The following STAG1 variants were observed in gnomAD, a reference collection of about 807,000 sequenced individuals.
STAG1 encodes the protein cohesin subunit SA-1.
In STAG1, 26 loss-of-function variants were observed where a neutral mutation model predicts 170.9. The ratio of observed to expected loss-of-function variants is 0.15; its 90% CI spans 0.11 to 0.21. The LOEUF (loss-of-function observed/expected upper bound fraction) is 0.21, where lower values mean the gene tolerates loss of function less well. STAG1 is among the 10% of genes least tolerant of loss of function. The pLI is 1.00. For synonymous variants in STAG1, 514 were observed against 497.7 expected (o/e 1.03, Z -0.44); for missense variants, 964 against 1,509.5 (o/e 0.64, Z 5.99).
chr3:136,521,868 C>T (rs1934695681), intron 6 of STAG1, among the ~76,000 whole-genome samples: 1 of 152,132 alleles, frequency 6.6e-6, no homozygotes, highest in Non-Finnish European at 1.5e-5. Flanking sequence ...AAAGTATAAG[C>T]ATTTCATTGG....
In STAG1 at chr3:136,518,317, A is replaced by C. The variant is rs1214738737; in HGVS notation, c.676+2896T>G. The C allele has an allele frequency of 4.5e-6, 3 of 670,964 alleles. No homozygotes were observed. The African/African-American group carries it at 5.4e-5, about 12-fold the overall frequency. The allele number at this position is 670,964 out of a possible 1,614,324, so 41.6% of individuals were successfully genotyped here. A position where few individuals can be genotyped will look rare whatever the true frequency, so the allele number is the denominator to read the frequency against. The stretch of plus-strand genomic sequence containing the variant: ...GCATTTTATTCCAAAGCCGATAATC[A>C]TATCTGGCCATAACTGCCTTGTAAC... On this transcript the variant is annotated intron_variant, in intron 7 of 33. Coordinates refer to ENST00000383202, the MANE Select transcript of STAG1 (RefSeq NM_005862.3).
intron 30 of STAG1, 140 bp from the exon 31 acceptor site, chr3:136,341,691 A>G (rs1935975522): frequency 1.6e-6 from 1 of 606,574 alleles, no homozygotes; most frequent in Non-Finnish European, 2.9e-6. Flanking sequence ...GCCTTTTTAT[A>G]AAAAAGGCAA....
chr3:136,747,348 T>C (rs1167973733), intron 1 of STAG1, among the ~76,000 whole-genome samples: 4 of 151,798 alleles, frequency 2.6e-5, no homozygotes, highest in African/African-American at 7.3e-5. Flanking sequence ...GACGCAATGA[T>C]TGTGTGACTC....
At chr3:136,736,096 T>C (rs1934317358) in intron 1 of STAG1, among the ~76,000 whole-genome samples, 1 of 152,324 alleles carries the variant, frequency 6.6e-6, no homozygotes, top group African/African-American at 2.4e-5. Flanking sequence ...AGGTGCCCCT[T>C]CCAGGCTTGT....
At chr3:136,559,165 A>C (rs201079603) in intron 5 of STAG1, among the ~76,000 whole-genome samples, 131 of 108,526 alleles carry the variant, frequency 1.2e-3, no homozygotes, top group African/African-American at 1.0e-3. Flanking sequence ...ATCTATCTAT[A>C]TACGTACACA....
intron 9 of STAG1, among the ~76,000 whole-genome samples, chr3:136,490,563 C>T (rs909692627): frequency 1.3e-5 from 2 of 152,010 alleles, no homozygotes; most frequent in Non-Finnish European, 2.9e-5. Context: ...AATCAAATGT[C>T]AAAGATACAT....
At chr3:136,529,827 A>G (rs1260285509) in intron 6 of STAG1, among the ~76,000 whole-genome samples, 2 of 152,224 alleles carry the variant, frequency 1.3e-5, no homozygotes, top group African/African-American at 4.8e-5. Flanking sequence ...AAAGAAACAA[A>G]TAATATTACA....
intron 7 of STAG1, among the ~76,000 whole-genome samples, chr3:136,513,441 C>T (rs749195179): frequency 6.6e-6 from 1 of 151,662 alleles, no homozygotes; most frequent in East Asian, 1.9e-4. Context: ...TGAGGTAACA[C>T]AGTGGACAGA....
At chr3:136,661,109 A>G (rs1384893500) in intron 1 of STAG1, among the ~76,000 whole-genome samples, 2 of 152,240 alleles carry the variant, frequency 1.3e-5, no homozygotes, top group African/African-American at 4.8e-5. Flanking sequence ...AAACCACCAT[A>G]GCAATGCCTA....
chr3:136,461,961 T>C (rs551620991), intron 13 of STAG1, among the ~76,000 whole-genome samples: 4 of 152,238 alleles, frequency 2.6e-5, no homozygotes, highest in Non-Finnish European at 5.9e-5. Flanking sequence ...TCATTATTTA[T>C]TATAAAGAAA....
intron 16 of STAG1, among the ~76,000 whole-genome samples, chr3:136,423,709 A>C (rs1245055462): frequency 6.6e-6 from 1 of 152,218 alleles, no homozygotes; most frequent in East Asian, 1.9e-4. Flanking sequence ...GCATTTTATT[A>C]TCTTGAAGGG....
At chr3:136,491,878 G>C (rs1179809370) in intron 9 of STAG1, among the ~76,000 whole-genome samples, 3 of 147,816 alleles carry the variant, frequency 2.0e-5, no homozygotes, top group Non-Finnish European at 4.5e-5. Context: ...TGTATTCCCA[G>C]CTACTCAGGA....
At chr3:136,502,603 A>C (rs1174446325) in intron 8 of STAG1, 25 bp downstream of exon 8, 3 of 1,607,612 alleles carry the variant, frequency 1.9e-6, no homozygotes, top group Non-Finnish European at 2.5e-6. Context: ...CAGAACATAA[A>C]ATCATCAGTT....
At chr3:136,556,985 C>A (rs1936650239) in intron 5 of STAG1, among the ~76,000 whole-genome samples, 2 of 152,128 alleles carry the variant, frequency 1.3e-5, no homozygotes, top group South Asian at 4.1e-4. Context: ...GTAATCCCAG[C>A]ACTTTGGGAG....
intron 5 of STAG1, among the ~76,000 whole-genome samples, chr3:136,544,389 G>C (rs767013744): frequency 1.2e-4 from 18 of 152,088 alleles, no homozygotes; most frequent in Non-Finnish European, 1.9e-4. Flanking sequence ...GTACACAGAA[G>C]ACTGAAAGTA....
rs17364170 is a variant in STAG1, at chr3:136,444,392, T to C, written c.1429-988A>G. 7.6e-3 allele frequency among the ~76,000 whole-genome samples: 1,155 copies of C among 152,306 alleles called. 6 individuals carry two copies. Among genetic ancestry groups the C allele is most frequent in the Middle Eastern group, 0.014 (4 of 294 alleles). ...CTGGGCCCTGAGAATATTACTCTAATGAAGCTTTTCAGGGAAGGCAAGTAC... is the reference window on the plus strand; with the variant it reads ...CTGGGCCCTGAGAATATTACTCTAACGAAGCTTTTCAGGGAAGGCAAGTAC... On this transcript the variant is annotated intron_variant, in intron 14 of 33. Transcript: ENST00000383202.
chr3:136,438,020 T>C (rs2088507637), intron 15 of STAG1, among the ~76,000 whole-genome samples: 1 of 152,180 alleles, frequency 6.6e-6, no homozygotes, highest in African/African-American at 2.4e-5. Context: ...TTATTACATT[T>C]AGGATGAGAT....
At chr3:136,569,845 AT>A (rs113184165) in intron 4 of STAG1, among the ~76,000 whole-genome samples, 8 of 152,068 alleles carry the variant, frequency 5.3e-5, no homozygotes, top group East Asian at 3.9e-4. Context: ...CTTACAGGAT[AT>A]TAAAAAAAGA....
intron 1 of STAG1, among the ~76,000 whole-genome samples, chr3:136,645,855 C>T (rs987834458): frequency 6.6e-6 from 1 of 152,214 alleles, no homozygotes; most frequent in Admixed American, 6.5e-5. Flanking sequence ...ACCACTGCTC[C>T]TCACATTCAC....
Sources: allele counts gnomAD v4.1 joint callset (sites outside exome capture counted in the v4.1 genomes callset), GRCh38; gene constraint gnomAD v4.1.1; transcripts MANE v1.5; gene names NCBI Gene and HGNC (gene_info 2026-07-23, HGNC 2026-07-21).